KLHL5: variants seen among roughly 807,000 people sequenced by gnomAD.
KLHL5 encodes kelch-like protein 5.
Under a neutral mutation model 77.7 loss-of-function variants are expected in KLHL5, and 48 were observed. The observed-to-expected ratio is 0.62, with a 90% CI of 0.49 to 0.79. The LOEUF (loss-of-function observed/expected upper bound fraction) is 0.79. Among genes scored for constraint, KLHL5 ranks in the 30% least tolerant of loss-of-function variants. The pLI is 0.00. For missense variants in KLHL5, 723 were observed against 859.7 expected, an observed-to-expected ratio of 0.84 and a Z score of 1.99; for synonymous variants, 260 against 297.0, an observed-to-expected ratio of 0.88 and a Z score of 1.28.
chr4:39,137,092 C>T, the KLHL5 span, among the ~76,000 whole-genome samples: 7 of 152,218 alleles, frequency 4.6e-5, no homozygotes, highest in African/African-American at 1.2e-4. Flanking sequence ...GGATGACCCC[C>T]GTGGTGTTGA....
At position 39,081,309 on chromosome 4, in the gene KLHL5, T is replaced by A. The variant is rs1719597953; in HGVS notation, c.703+70T>A. 3 of 1,364,606 alleles carry A rather than the reference T, an allele frequency of 2.2e-6. No homozygotes were observed. The highest frequency in any genetic ancestry group is 2.0e-6 in the Non-Finnish European group (2 of 1,010,984). The allele number at this position is 1,364,606 out of a possible 1,614,324, so 84.5% of individuals were successfully genotyped here. A position where few individuals can be genotyped will look rare whatever the true frequency, so the allele number is the denominator to read the frequency against. ...TGTATTATTAGATTTCAGATTTCTG[T>A]TTTTAGAAAGCATGCCATAGCTAAC... On this transcript the variant is annotated intron_variant, in intron 3 of 10. Transcript: ENST00000504108. This position sits in a 1 kb window ranked among gnomAD's most constrained non-coding sequence, Gnocchi z 4.3.
At chr4:39,052,437 A>C (rs186138080) in intron 1 of KLHL5, among the ~76,000 whole-genome samples, 1 of 152,102 alleles carries the variant, frequency 6.6e-6, no homozygotes, top group East Asian at 1.9e-4. Context: ...TCTTTTTTAT[A>C]ATGGAGAAAG....
At position 39,063,023 on chromosome 4, in the gene KLHL5, C is replaced by T; in HGVS notation, c.371C>T (p.Ser124Phe). Residue 124 changes from serine to phenylalanine, a missense_variant, in exon 1 of 11, where the codon TCC becomes TTC. This residue lies in a region of KLHL5 where 221 missense variants were observed against 222.1 expected (regional missense o/e 1.00). Coordinates refer to ENST00000504108, the MANE Select transcript of KLHL5 (RefSeq NM_015990.5). ...AGTGAAGAAGAAAATGAATCTGATT[C>T]CAGTTCATGCAGGTTGATTATTTTC... ...GTSEEENESD[S>F]SSCRTSNSSQ... is the part of the protein sequence containing the mutation. 1 of 1,611,148 alleles carries T rather than the reference C, an allele frequency of 6.2e-7. No individual in the cohort carries two copies. The highest frequency in any genetic ancestry group is 8.5e-7 in the Non-Finnish European group (1 of 1,178,250).
chr4:39,054,131 A>G (rs562856252), intron 1 of KLHL5, among the ~76,000 whole-genome samples: 1 of 152,170 alleles, frequency 6.6e-6, no homozygotes, highest in South Asian at 2.1e-4. Context: ...CTGTTCTGCT[A>G]CTCTCTACTA....
intron 1 of KLHL5, among the ~76,000 whole-genome samples, chr4:39,050,935 C>T (rs1015983453): frequency 1.3e-5 from 2 of 152,228 alleles, no homozygotes; most frequent in Non-Finnish European, 2.9e-5. Context: ...ATCCCTTCTT[C>T]CTCTCCCAGG....
At chr4:39,082,252 T>C (rs956487165) in intron 4 of KLHL5, 93 bp downstream of exon 4, 4 of 1,011,306 alleles carry the variant, frequency 4.0e-6, no homozygotes, top group Non-Finnish European at 5.7e-6. Flanking sequence ...TTCCCATGGC[T>C]CTGCCACGTG....
intron 8 of KLHL5, among the ~76,000 whole-genome samples, chr4:39,110,413 T>A (rs2109561424): frequency 6.6e-6 from 1 of 152,294 alleles, no homozygotes; most frequent in Admixed American, 6.5e-5. Flanking sequence ...AAAGTAGTAA[T>A]AATTTTTTTT....
At chr4:39,103,043 T>C (rs981209094) in intron 6 of KLHL5, among the ~76,000 whole-genome samples, 2 of 152,214 alleles carry the variant, frequency 1.3e-5, no homozygotes, top group African/African-American at 4.8e-5. Context: ...TTTCTCACCC[T>C]CCTTTGACAG....
intron 1 of KLHL5, among the ~76,000 whole-genome samples, chr4:39,046,531 T>C (rs12512790): frequency 2.4e-4 from 37 of 152,268 alleles, no homozygotes; most frequent in Admixed American, 2.4e-3. Flanking sequence ...AGCGGATCGC[T>C]TGAGCTCAGG....
chr4:39,101,198 C>T (rs1721518834), intron 6 of KLHL5, among the ~76,000 whole-genome samples: 2 of 142,506 alleles, frequency 1.4e-5, no homozygotes, highest in Admixed American at 1.4e-4. Flanking sequence ...AGCAAAATAA[C>T]TTTTAGTTAC....
chr4:39,117,197 A>G (rs1722903983), intron 10 of KLHL5, among the ~76,000 whole-genome samples: 1 of 152,068 alleles, frequency 6.6e-6, no homozygotes, highest in Admixed American at 6.5e-5. Flanking sequence ...TCTACTTGGG[A>G]GGCTGAGGCG....
At chr4:39,067,691 A>G (rs1718021974) in intron 1 of KLHL5, among the ~76,000 whole-genome samples, 2 of 106,702 alleles carry the variant, frequency 1.9e-5, no homozygotes, top group Non-Finnish European at 3.9e-5. Flanking sequence ...TTTTTTTTTT[A>G]GTGAGACAAA....
chr4:39,137,175 A>G, the KLHL5 span, among the ~76,000 whole-genome samples: 1 of 110,838 alleles, frequency 9.0e-6, no homozygotes, highest in African/African-American at 3.0e-5. Context: ...ATACATATGC[A>G]AATATGTGCG....
At chr4:39,049,888 A>G (rs548268599) in intron 1 of KLHL5, among the ~76,000 whole-genome samples, 4 of 152,142 alleles carry the variant, frequency 2.6e-5, no homozygotes, top group African/African-American at 9.6e-5. Context: ...CCTGGCCAAC[A>G]TGGTGAAACC....
chr4:39,115,122 G>A (rs774052458), intron 9 of KLHL5, 37 bp from the exon 10 acceptor site: 1 of 1,574,108 alleles, frequency 6.4e-7, no homozygotes, highest in East Asian at 2.2e-5. Flanking sequence ...AATATTTTAA[G>A]AATAATGTCA....
At chr4:39,083,774 T>G (rs1027846079) in intron 4 of KLHL5, among the ~76,000 whole-genome samples, 1 of 152,234 alleles carries the variant, frequency 6.6e-6, no homozygotes, top group Non-Finnish European at 1.5e-5. Flanking sequence ...AACATTTGTA[T>G]GCATTTAGGT....
chr4:39,061,277 G>C (rs1265791773), upstream of KLHL5, among the ~76,000 whole-genome samples: 1 of 152,098 alleles, frequency 6.6e-6, no homozygotes, highest in Non-Finnish European at 1.5e-5. Context: ...CTCCAAAGTA[G>C]TTTTTGTTTT....
At chr4:39,126,858 G>A (rs534892226), downstream of KLHL5, 13 of 404,970 alleles carry the variant, frequency 3.2e-5, no homozygotes, top group Admixed American at 6.6e-5. Context: ...TGTATTTAAT[G>A]TAAGTAACTA....
At chr4:39,137,787 C>T in the KLHL5 span, among the ~76,000 whole-genome samples, 1 of 152,040 alleles carries the variant, frequency 6.6e-6, no homozygotes, top group Non-Finnish European at 1.5e-5. Flanking sequence ...GATGGGCTTC[C>T]ACTGGCCAAA....
Sources: gnomAD v4.1 joint callset for allele counts (sites outside exome capture counted in the v4.1 genomes callset) on GRCh38, gnomAD v4.1.1 for gene constraint, gnomAD v4.1.1 regional missense constraint, Gnocchi (gnomAD v3.1) non-coding constraint, MANE v1.5 for transcripts, NCBI Gene and HGNC (gene_info 2026-07-23, HGNC 2026-07-21) for gene names.